CTNND2: variants seen among roughly 807,000 people sequenced by gnomAD.
CTNND2 encodes catenin delta 2.
In CTNND2, 22 loss-of-function variants were observed where a neutral mutation model predicts 144.4. The ratio of observed to expected loss-of-function variants is 0.15; its 90% CI spans 0.11 to 0.22. CTNND2 has a LOEUF of 0.22. Among genes scored for constraint, CTNND2 ranks in the 10% least tolerant of loss-of-function variants. CTNND2 has a pLI of 1.00. For missense variants in CTNND2, 1,353 were observed against 1,618.8 expected (o/e 0.84, Z 2.82); for synonymous variants, 751 against 695.6 (o/e 1.08, Z -1.25).
chr5:11,524,050 C>A (rs567366656), intron 3 of CTNND2, among the ~76,000 whole-genome samples: 26 of 152,260 alleles, frequency 1.7e-4, no homozygotes, highest in Admixed American at 1.2e-3. Flanking sequence ...GGAAAAAAGG[C>A]CTTCTAGGGC....
chr5:11,584,263 C>T (rs1166956485), intron 2 of CTNND2, among the ~76,000 whole-genome samples: 1 of 152,116 alleles, frequency 6.6e-6, no homozygotes, highest in African/African-American at 2.4e-5. Context: ...CTTGTAGGAA[C>T]ACGTATGCAA....
At chr5:11,623,816 A>ATATATATATG (rs1781001181) in intron 2 of CTNND2, among the ~76,000 whole-genome samples, 1 of 54,960 alleles carries the variant, frequency 1.8e-5, no homozygotes, top group Non-Finnish European at 3.9e-5. Flanking sequence ...ATGTATATAT[A>ATATATATATG]TATATATATA....
chr5:11,319,180 T>C (rs1016896672), intron 9 of CTNND2, among the ~76,000 whole-genome samples: 16 of 152,098 alleles, frequency 1.1e-4, no homozygotes, highest in African/African-American at 3.9e-4. Context: ...GAACCTTCTA[T>C]CTACTTAAGA....
In CTNND2 at chr5:10,988,822, G is replaced by A. The variant is rs1458834130; in HGVS notation, c.3212-580C>T. Among the ~76,000 whole-genome samples the A allele has an allele frequency of 6.6e-6, 1 of 152,168 alleles. No individual in the cohort carries two copies. Among genetic ancestry groups the A allele is most frequent in the African/African-American group, 2.4e-5 (1 of 41,426 alleles). On this transcript the variant is annotated intron_variant, in intron 19 of 21. Coordinates refer to ENST00000304623, the MANE Select transcript of CTNND2 (RefSeq NM_001332.4). This position sits in a 1 kb window ranked among gnomAD's most constrained non-coding sequence, Gnocchi z 5.9. ...AAGCCCACAAAGACCTTCTTTGTCT[G>A]TGGCTGGGGTGGGCTGGGGAGGGGC...
At chr5:11,408,572 A>C (rs1761268404) in intron 5 of CTNND2, among the ~76,000 whole-genome samples, 1 of 152,114 alleles carries the variant, frequency 6.6e-6, no homozygotes, top group South Asian at 2.1e-4. Context: ...AGGAGCTTTC[A>C]AAAGAAATAA....
At chr5:11,212,833 G>T (rs1026181821) in intron 10 of CTNND2, among the ~76,000 whole-genome samples, 3 of 152,138 alleles carry the variant, frequency 2.0e-5, no homozygotes, top group African/African-American at 7.2e-5. Context: ...GACAGGGAGC[G>T]TGGGGGATGC....
intron 5 of CTNND2, among the ~76,000 whole-genome samples, chr5:11,404,065 C>T (rs1760867484): frequency 6.6e-6 from 1 of 152,198 alleles, no homozygotes; most frequent in South Asian, 2.1e-4. Flanking sequence ...TGATGCTAGT[C>T]ACTCAAAATG....
chr5:11,443,381 TGGGG>T (rs1169087895), intron 3 of CTNND2, among the ~76,000 whole-genome samples: 1 of 39,144 alleles, frequency 2.6e-5, no homozygotes, highest in Non-Finnish European at 4.5e-5. Flanking sequence ...GTGGCATGAG[TGGGG>T]GGTGTGTGGT....
At chr5:11,578,462 G>A (rs7737639) in intron 2 of CTNND2, among the ~76,000 whole-genome samples, 63,871 of 151,516 alleles carry the variant, frequency 0.42, 14,513 homozygotes, top group East Asian at 0.62. Flanking sequence ...GGAGTTCGAG[G>A]CCAGCCTGGT....
At chr5:11,348,207 C>T (rs184851966) in intron 8 of CTNND2, among the ~76,000 whole-genome samples, 3 of 152,060 alleles carry the variant, frequency 2.0e-5, no homozygotes, top group East Asian at 1.9e-4. Flanking sequence ...TCAGAAAATC[C>T]GCTTTATGTC....
chr5:10,975,046 A>G (rs899597695), intron 21 of CTNND2, among the ~76,000 whole-genome samples: 2 of 152,226 alleles, frequency 1.3e-5, no homozygotes, highest in African/African-American at 4.8e-5. Flanking sequence ...AAAAGTCCAT[A>G]GAGGATAAAC....
chr5:11,677,533 T>C (rs1435466085), intron 2 of CTNND2, among the ~76,000 whole-genome samples: 1 of 152,180 alleles, frequency 6.6e-6, no homozygotes, highest in African/African-American at 2.4e-5. Context: ...TATGATTCCT[T>C]AGAAATGAAT....
intron 16 of CTNND2, among the ~76,000 whole-genome samples, chr5:11,039,891 A>G (rs1389874934): frequency 2.6e-5 from 4 of 152,030 alleles, no homozygotes; most frequent in Non-Finnish European, 4.4e-5. Context: ...ACGAAACCCC[A>G]TCTCTACTAA....
chr5:11,840,772 A>G (rs1277699442), intron 1 of CTNND2, among the ~76,000 whole-genome samples: 1 of 152,166 alleles, frequency 6.6e-6, no homozygotes, highest in Non-Finnish European at 1.5e-5. Flanking sequence ...AACAGAAGGA[A>G]ATACTGGTAA....
chr5:11,693,342 T>A (rs914234081), intron 2 of CTNND2, among the ~76,000 whole-genome samples: 1 of 152,232 alleles, frequency 6.6e-6, no homozygotes, highest in South Asian at 2.1e-4. Flanking sequence ...GCAAACCAAA[T>A]GGACAGATAC....
chr5:11,801,629 A>AT (rs930984345), intron 1 of CTNND2, among the ~76,000 whole-genome samples: 11 of 151,646 alleles, frequency 7.3e-5, no homozygotes, highest in East Asian at 5.8e-4. Flanking sequence ...GCAGCAACCA[A>AT]TTTTTTTTTC....
chr5:11,056,128 A>G (rs913519697), intron 16 of CTNND2, among the ~76,000 whole-genome samples: 1 of 152,262 alleles, frequency 6.6e-6, no homozygotes, highest in African/African-American at 2.4e-5. Context: ...ATGCTTGAAT[A>G]AAAATTAGAA....
chr5:11,773,742 C>A (rs1467906030), intron 1 of CTNND2, among the ~76,000 whole-genome samples: 2 of 143,590 alleles, frequency 1.4e-5, no homozygotes, highest in African/African-American at 2.6e-5. Flanking sequence ...ACCCGGGAGG[C>A]GGAGGTTGCA....
At chr5:11,697,274 C>T (rs746242960) in intron 2 of CTNND2, among the ~76,000 whole-genome samples, 2 of 152,142 alleles carry the variant, frequency 1.3e-5, no homozygotes, top group Non-Finnish European at 2.9e-5. Context: ...TTCCATTGCC[C>T]CCCAAAAATT....
Sources: allele counts gnomAD v4.1 joint callset (sites outside exome capture counted in the v4.1 genomes callset), GRCh38; gene constraint gnomAD v4.1.1; non-coding constraint Gnocchi (gnomAD v3.1); transcripts MANE v1.5; gene names NCBI Gene and HGNC (gene_info 2026-07-23, HGNC 2026-07-21).